The following TRIM62 variants were observed in gnomAD, a reference collection of about 807,000 sequenced individuals.
TRIM62 encodes tripartite motif containing 62.
In TRIM62, 39 loss-of-function variants were observed where a neutral mutation model predicts 44.2. That is an observed-to-expected ratio of 0.88 (90% confidence interval 0.68 to 1.15). The LOEUF is 1.15. TRIM62 is among the 50% of genes most tolerant of loss of function. The probability of loss-of-function intolerance (pLI) is 0.00; values close to 1 mark genes in which losing one functional copy is unlikely to be tolerated. For missense variants in TRIM62, 544 were observed against 665.5 expected, an observed-to-expected ratio of 0.82 and a Z score of 2.01; for synonymous variants, 278 against 292.3, an observed-to-expected ratio of 0.95 and a Z score of 0.50.
chr1:33,159,771 C>T lies in TRIM62; in HGVS notation c.678G>A (p.Gln226=), dbSNP rs1645236190. ...GCTCCTGCAGGATCTGGGCTCCCTC[C>T]TGGACCTTGCGCAGCTGCTGGCTGT... The part of the protein sequence containing the change: ...QRYSQQLRKV[Q]EGAQILQERL... The change falls in exon 3 of 5, where the codon CAG becomes CAA. Residue 226 remains glutamine (Q), a synonymous_variant. Coordinates refer to ENST00000291416, the MANE Select transcript of TRIM62 (RefSeq NM_018207.3). The surrounding 1 kb of genome is among the most constrained non-coding windows in gnomAD (Gnocchi z 4.2). 1 of 1,613,648 alleles carries T rather than the reference C, an allele frequency of 6.2e-7. No homozygotes were observed.
chr1:33,158,449 G>A lies in TRIM62; in HGVS notation c.762-81C>T, dbSNP rs529270594. 13 of 1,100,618 alleles carry A rather than the reference G, an allele frequency of 1.2e-5. No individual in the cohort carries two copies. The East Asian group carries it at 2.6e-4, about 22-fold the overall frequency. 68.2% of individuals were successfully genotyped at this position (1,100,618 alleles called of 1,614,324 possible). On this transcript the variant is annotated intron_variant, in intron 3 of 4. Transcript: ENST00000291416. ...CCAGGGGCCCCGCAGCCACCTTCAG[G>A]GCAGCTGGCATAGGATGTGGTCATG... is the stretch of plus-strand genomic sequence containing the variant.
chr1:33,158,456 G>A, intron 3 of TRIM62, 88 bp from the exon 4 acceptor site: 1 of 1,006,914 alleles, frequency 9.9e-7, no homozygotes, highest in Non-Finnish European at 1.6e-6. Flanking sequence ...CAGGGCAGCT[G>A]GCATAGGATG....
Position 33,181,231 on chromosome 1 carries a change from G to C in TRIM62, c.202C>G (p.Leu68Val). The C allele has an allele frequency of 6.4e-7, 1 of 1,564,948 alleles. No individual in the cohort carries two copies. The highest frequency in any genetic ancestry group is 8.6e-7 in the Non-Finnish European group (1 of 1,160,850). ...AEPALAPSLKLANIVERYSSF... is the reference protein window; with the variant it reads ...AEPALAPSLKVANIVERYSSF... ...CTGTAGCGCTCCACGATGTTGGCCA[G>C]CTTGAGGCTGGGCGCCAGCGCGGGC... The change falls in exon 1 of 5, where the codon CTG becomes GTG. Residue 68 changes from leucine to valine, a missense_variant. Physicochemically the swap from Leu to Val is conservative, Grantham distance 32. Coordinates refer to ENST00000291416, the MANE Select transcript of TRIM62 (RefSeq NM_018207.3). This position sits in a 1 kb window ranked among gnomAD's most constrained non-coding sequence, Gnocchi z 6.5.
At position 33,147,396 on chromosome 1, in the gene TRIM62, G is replaced by A; in HGVS notation, c.1209C>T (p.Pro403=). ...DGNQYSACTE[P]WTRLNVRDKL... is the part of the protein sequence containing the mutation. ...TGTCCCGGACGTTAAGCCGCGTCCA[G>A]GGCTCCGTGCAGGCGCTGTACTGGT... Residue 403 remains proline, a synonymous_variant, in exon 5 of 5, where the codon CCC becomes CCT. Coordinates refer to ENST00000291416, the MANE Select transcript of TRIM62 (RefSeq NM_018207.3). This position sits in a 1 kb window ranked among gnomAD's most constrained non-coding sequence, Gnocchi z 8.1. 6.2e-7 allele frequency: 1 copy of A among 1,614,158 alleles called. No homozygotes were observed. The highest frequency in any genetic ancestry group is 8.5e-7 in the Non-Finnish European group (1 of 1,180,028).
chr1:33,153,625 C>T (rs745592103), intron 4 of TRIM62, among the ~76,000 whole-genome samples: 1 of 152,160 alleles, frequency 6.6e-6, no homozygotes, highest in Non-Finnish European at 1.5e-5. Context: ...GGGGTGATGG[C>T]AAGTTCCACA....
rs1645274675 is a variant in TRIM62, at chr1:33,161,966, G to GGTTC, written c.505-2026_505-2023dup. 2.0e-5 allele frequency among the ~76,000 whole-genome samples: 3 copies of GGTTC among 152,088 alleles called. No homozygotes were observed. The highest frequency in any genetic ancestry group is 2.0e-4 in the Admixed American group (3 of 15,272). On this transcript the variant is annotated intron_variant, in intron 2 of 4. Transcript: ENST00000291416. The surrounding 1 kb of genome is among the most constrained non-coding windows in gnomAD (Gnocchi z 4.3). The stretch of plus-strand genomic sequence containing the variant: ...TTTCAACTTGAACTGCTTTAAGGAT[G>GGTTC]GTTCCCAAGTCCATATAGATGGCCT...
intron 1 of TRIM62, among the ~76,000 whole-genome samples, chr1:33,173,225 G>A (rs1483028766): frequency 6.6e-6 from 1 of 152,114 alleles, no homozygotes; most frequent in Non-Finnish European, 1.5e-5. Flanking sequence ...CACAATCTCT[G>A]GCAACATCTG....
At chr1:33,152,162 T>C (rs1192848386) in intron 4 of TRIM62, among the ~76,000 whole-genome samples, 1 of 152,210 alleles carries the variant, frequency 6.6e-6, no homozygotes, top group Non-Finnish European at 1.5e-5. Context: ...AACTCTGAGG[T>C]AAGTGGCTTG....
chr1:33,177,160 A>G lies in TRIM62; in HGVS notation c.408+3865T>C, dbSNP rs777197968. Among the ~76,000 whole-genome samples the G allele has an allele frequency of 6.6e-6, 1 of 152,214 alleles. No individual in the cohort carries two copies. Among genetic ancestry groups the G allele is most frequent in the South Asian group, 2.1e-4 (1 of 4,826 alleles). On this transcript the variant is annotated intron_variant, in intron 1 of 4. Transcript: ENST00000291416. This position sits in a 1 kb window ranked among gnomAD's most constrained non-coding sequence, Gnocchi z 4.1. ...ACGCACATGCACACCCACAGGTTAC[A>G]TAAAAATCCTTAGAACTGTATAGTA...
intron 1 of TRIM62, among the ~76,000 whole-genome samples, chr1:33,169,614 G>GCT: frequency 6.6e-6 from 1 of 152,294 alleles, no homozygotes; most frequent in South Asian, 2.1e-4. Flanking sequence ...GACATTCAAG[G>GCT]CTCTACTGCT....
intron 4 of TRIM62, among the ~76,000 whole-genome samples, chr1:33,148,306 A>C (rs1553169335): frequency 6.6e-6 from 1 of 152,220 alleles, no homozygotes; most frequent in Non-Finnish European, 1.5e-5. Flanking sequence ...ATAAGAAACT[A>C]TAACCTAACT....
chr1:33,159,822 G>C lies in TRIM62; in HGVS notation c.627C>G (p.Thr209=). 6.2e-7 allele frequency: 1 copy of C among 1,613,822 alleles called. No individual in the cohort carries two copies. Among genetic ancestry groups the C allele is most frequent in the Non-Finnish European group, 8.5e-7 (1 of 1,180,000 alleles). The change falls in exon 3 of 5, where the codon ACC becomes ACG. Residue 209 remains threonine, a synonymous_variant. Transcript: ENST00000291416. This position sits in a 1 kb window ranked among gnomAD's most constrained non-coding sequence, Gnocchi z 4.2. The part of the protein sequence containing the change: ...ELEADTARTL[T]DIEQKVQRYS... ...AGCGCTGGACTTTCTGCTCGATGTC[G>C]GTCAGCGTGCGGGCCGTGTCCGCCT...
chr1:33,165,791 C>G lies in TRIM62; in HGVS notation c.409-225G>C. ...CCTGCATCTTTGCAACAACCTCCTC[C>G]TCTTTGGCCACCCTAGAGGCTTCTG... On this transcript the variant is annotated intron_variant, in intron 1 of 4. Coordinates refer to ENST00000291416, the MANE Select transcript of TRIM62 (RefSeq NM_018207.3). The surrounding 1 kb of genome is among the most constrained non-coding windows in gnomAD (Gnocchi z 4.0). 9.9e-6 allele frequency: 4 copies of G among 403,030 alleles called. No individual in the cohort carries two copies. The highest frequency in any genetic ancestry group is 1.8e-5 in the Non-Finnish European group (4 of 224,330). The allele number at this position is 403,030 out of a possible 1,614,324, so 25.0% of individuals were successfully genotyped here.
intron 1 of TRIM62, among the ~76,000 whole-genome samples, chr1:33,175,375 C>T (rs1366674682): frequency 6.6e-6 from 1 of 152,128 alleles, no homozygotes; most frequent in Non-Finnish European, 1.5e-5. Flanking sequence ...GAATCCAAGA[C>T]AGAACTCACC....
chr1:33,154,875 T>C (rs1468047312), intron 4 of TRIM62, among the ~76,000 whole-genome samples: 1 of 150,466 alleles, frequency 6.6e-6, no homozygotes, highest in South Asian at 2.1e-4. Context: ...GGGCAGAACA[T>C]GAGGTCAGGA....
chr1:33,152,807 T>G (rs2124717446), intron 4 of TRIM62, among the ~76,000 whole-genome samples: 1 of 152,168 alleles, frequency 6.6e-6, no homozygotes, highest in South Asian at 2.1e-4. Flanking sequence ...AGGCAAGGAA[T>G]GTGCCGGGAC....
At chr1:33,171,135 A>G (rs1645371660) in intron 1 of TRIM62, among the ~76,000 whole-genome samples, 1 of 152,206 alleles carries the variant, frequency 6.6e-6, no homozygotes, top group Admixed American at 6.5e-5. Flanking sequence ...TGACTGGCCC[A>G]CGGCCACACA....
chr1:33,176,174 G>A (rs545056119), intron 1 of TRIM62, among the ~76,000 whole-genome samples: 1 of 152,320 alleles, frequency 6.6e-6, no homozygotes, highest in South Asian at 2.1e-4. Context: ...TCCTGTCCAT[G>A]CTACAAAATA....
intron 4 of TRIM62, 103 bp downstream of exon 4, chr1:33,158,150 T>C: frequency 9.7e-7 from 1 of 1,033,796 alleles, no homozygotes; most frequent in South Asian, 1.4e-5. Context: ...CAAGGCACTC[T>C]GCTCATTCAC....
Sources: gnomAD v4.1 joint callset for allele counts (sites outside exome capture counted in the v4.1 genomes callset) on GRCh38, gnomAD v4.1.1 for gene constraint, Gnocchi (gnomAD v3.1) non-coding constraint, MANE v1.5 for transcripts, NCBI Gene and HGNC (gene_info 2026-07-23, HGNC 2026-07-21) for gene names.